MACC1: variants seen among roughly 807,000 people sequenced by gnomAD.
MACC1 encodes metastasis-associated in colon cancer protein 1.
A neutral mutation model predicts 70.7 loss-of-function variants in MACC1; 79 were observed. That is an observed-to-expected ratio of 1.12 (90% CI 0.93 to 1.35). MACC1 has a LOEUF of 1.35. Among genes scored for constraint, MACC1 ranks in the 40% most tolerant of loss-of-function variants. The pLI, the probability that MACC1 is intolerant of heterozygous loss-of-function variation, is 0.00. For missense variants in MACC1, 1,106 were observed against 978.1 expected, an observed-to-expected ratio of 1.13 and a Z score of -1.74; for synonymous variants, 361 against 347.2, an observed-to-expected ratio of 1.04 and a Z score of -0.44.
chr7:20,180,576 T>C (rs1467583058), intron 1 of MACC1, among the ~76,000 whole-genome samples: 1 of 150,844 alleles, frequency 6.6e-6, no homozygotes, highest in African/African-American at 2.4e-5. Context: ...CTGGGCGCAG[T>C]GGCCACGCCT....
rs535703374 is a variant in MACC1 at position 20,138,152 on chromosome 7, C to CAAAAAAAAAAA, written c.*2783_*2793dup. 2 of 67,866 alleles carry CAAAAAAAAAAA rather than the reference C, an allele frequency of 2.9e-5. No homozygotes were observed. Among genetic ancestry groups the CAAAAAAAAAAA allele is most frequent in the African/African-American group, 9.0e-5 (2 of 22,158 alleles). 4.2% of individuals were successfully genotyped at this position (67,866 alleles called of 1,614,324 possible). On this transcript the variant is annotated 3_prime_UTR_variant, in exon 7 of 7. Transcript: ENST00000400331. The stretch of plus-strand genomic sequence containing the variant: ...TGGGCAACAGAGCCAGACTCTGGCT[C>CAAAAAAAAAAA]AAAAAAAAAAAAAAAAAAAAAAAAA...
chr7:20,190,638 A>G (rs1221110092), intron 1 of MACC1, among the ~76,000 whole-genome samples: 1 of 152,242 alleles, frequency 6.6e-6, no homozygotes, highest in Non-Finnish European at 1.5e-5. Context: ...TGGCTTTAAA[A>G]TGGCAACAAA....
intron 1 of MACC1, among the ~76,000 whole-genome samples, chr7:20,182,806 G>C (rs1782530756): frequency 6.6e-6 from 1 of 151,948 alleles, no homozygotes; most frequent in Admixed American, 6.6e-5. Context: ...TCACAGAATA[G>C]ACAATGTAAT....
At chr7:20,157,719 A>ATC in intron 5 of MACC1, among the ~76,000 whole-genome samples, 1 of 145,078 alleles carries the variant, frequency 6.9e-6, no homozygotes, top group East Asian at 2.1e-4. Flanking sequence ...GTGAGCTGTG[A>ATC]TCGTGCCACT....
intron 1 of MACC1, among the ~76,000 whole-genome samples, chr7:20,203,224 C>T (rs188578878): frequency 1.3e-4 from 20 of 152,248 alleles, no homozygotes; most frequent in African/African-American, 4.6e-4. Context: ...CAAGACTGAT[C>T]CTCCCCTCCC....
At position 20,135,627 on chromosome 7, in the gene MACC1, T is replaced by C. The variant is rs1781709057; in HGVS notation, c.*5319A>G. 6.6e-6 allele frequency: 1 copy of C among 152,306 alleles called. No homozygotes were observed. Among genetic ancestry groups the C allele is most frequent in the South Asian group, 2.1e-4 (1 of 4,832 alleles). 9.4% of individuals were successfully genotyped at this position (152,306 alleles called of 1,614,324 possible). A position where few individuals can be genotyped will look rare whatever the true frequency, so the allele number is the denominator to read the frequency against. On this transcript the variant is annotated 3_prime_UTR_variant, in exon 7 of 7. Coordinates refer to ENST00000400331, the MANE Select transcript of MACC1 (RefSeq NM_182762.4). Reference sequence around the variant, plus strand: ...ATTCTGGTGGTCGAGCCCAGCAGTCTGTTTCACCAAGCCCCCGCCAGATCG... The same window carrying C: ...ATTCTGGTGGTCGAGCCCAGCAGTCCGTTTCACCAAGCCCCCGCCAGATCG...
At chr7:20,202,683 T>A (rs189977381) in intron 1 of MACC1, among the ~76,000 whole-genome samples, 3 of 152,364 alleles carry the variant, frequency 2.0e-5, no homozygotes, top group African/African-American at 7.2e-5. Flanking sequence ...ATCAGGTAGA[T>A]AATAGCTACA....
intron 1 of MACC1, among the ~76,000 whole-genome samples, chr7:20,202,260 C>T (rs778715841): frequency 1.3e-5 from 2 of 152,174 alleles, no homozygotes; most frequent in Non-Finnish European, 2.9e-5. Flanking sequence ...AAATCAACTT[C>T]TGTAAGTTCA....
At chr7:20,168,667 A>C (rs1285680071) in intron 2 of MACC1, among the ~76,000 whole-genome samples, 1 of 152,194 alleles carries the variant, frequency 6.6e-6, no homozygotes. Flanking sequence ...CAATTCTGTC[A>C]AGTCAGGTGG....
intron 1 of MACC1, among the ~76,000 whole-genome samples, chr7:20,179,884 A>G (rs3114459): frequency 0.51 from 77,729 of 151,976 alleles, 22,410 homozygotes; most frequent in East Asian, 0.86. Context: ...TAGGTCTGTG[A>G]ATTCAATCAC....
intron 1 of MACC1, among the ~76,000 whole-genome samples, chr7:20,189,001 T>C (rs1782632842): frequency 6.6e-6 from 1 of 152,240 alleles, no homozygotes; most frequent in African/African-American, 2.4e-5. Context: ...CTAGCTGCAC[T>C]GGCCTTACCT....
chr7:20,196,159 T>C (rs1362222041), intron 1 of MACC1, among the ~76,000 whole-genome samples: 1 of 152,092 alleles, frequency 6.6e-6, no homozygotes, highest in Non-Finnish European at 1.5e-5. Flanking sequence ...CTTTTATTGG[T>C]AATAATTTTC....
chr7:20,189,683 C>G (rs10281354), intron 1 of MACC1, among the ~76,000 whole-genome samples: 17,368 of 150,910 alleles, frequency 0.12, 1,173 homozygotes, highest in Non-Finnish European at 0.15. Context: ...TCTAGGCCAG[C>G]GTAGGAGCAG....
rs1193323023 is a variant in MACC1 at position 20,138,860 on chromosome 7, G to C, written c.*2086C>G. ...GCTAATTTTTTGTATTTTTAGTAGA[G>C]ACGGGGTTTCACCGCGTTAGCCAGG... On this transcript the variant is annotated 3_prime_UTR_variant, in exon 7 of 7. Coordinates refer to ENST00000400331, the MANE Select transcript of MACC1 (RefSeq NM_182762.4). The C allele has an allele frequency of 6.6e-6, 1 of 152,118 alleles. No individual in the cohort carries two copies. The highest frequency in any genetic ancestry group is 2.4e-5 in the African/African-American group (1 of 41,414). The allele number at this position is 152,118 out of a possible 1,614,324, so 9.4% of individuals were successfully genotyped here.
intron 5 of MACC1, among the ~76,000 whole-genome samples, chr7:20,156,403 T>A (rs1010701): frequency 0.66 from 99,687 of 152,028 alleles, 33,950 homozygotes; most frequent in East Asian, 0.87. Flanking sequence ...TACCCCAAAA[T>A]ATACAGGTAT....
intron 1 of MACC1, among the ~76,000 whole-genome samples, chr7:20,207,573 T>C (rs1782930792): frequency 1.3e-5 from 2 of 152,206 alleles, no homozygotes; most frequent in Non-Finnish European, 2.9e-5. Flanking sequence ...AGATATGTCC[T>C]AGGATTTTTG....
At chr7:20,184,700 A>G (rs769576643) in intron 1 of MACC1, among the ~76,000 whole-genome samples, 6 of 152,208 alleles carry the variant, frequency 3.9e-5, no homozygotes, top group Admixed American at 1.3e-4. Flanking sequence ...GTCTGCCGAA[A>G]TATTTTCACT....
At position 20,140,790 on chromosome 7, in the gene MACC1, T is replaced by C; in HGVS notation, c.*156A>G. 1 of 525,044 alleles carries C rather than the reference T, an allele frequency of 1.9e-6. No individual in the cohort carries two copies. Among genetic ancestry groups the C allele is most frequent in the Non-Finnish European group, 3.2e-6 (1 of 316,404 alleles). 32.5% of individuals were successfully genotyped at this position (525,044 alleles called of 1,614,324 possible). ...AAATTAATATAATGCTTTTCTGAGA[T>C]TCTTTCTTTCCTACACACACACACA... On this transcript the variant is annotated 3_prime_UTR_variant, in exon 7 of 7. Coordinates refer to ENST00000400331, the MANE Select transcript of MACC1 (RefSeq NM_182762.4).
At chr7:20,174,194 A>G (rs1782358104) in intron 1 of MACC1, among the ~76,000 whole-genome samples, 1 of 152,206 alleles carries the variant, frequency 6.6e-6, no homozygotes, top group African/African-American at 2.4e-5. Flanking sequence ...TGATAATGCA[A>G]TATGTGTATA....
Sources: allele counts gnomAD v4.1 joint callset (sites outside exome capture counted in the v4.1 genomes callset), GRCh38; gene constraint gnomAD v4.1.1; transcripts MANE v1.5; gene names NCBI Gene and HGNC (gene_info 2026-07-23, HGNC 2026-07-21).